The following CTIF variants were observed in gnomAD, a reference collection of about 807,000 sequenced individuals.
CTIF encodes CBP80/20-dependent translation initiation factor.
A neutral mutation model predicts 66.0 loss-of-function variants in CTIF; 21 were observed. That is an observed-to-expected ratio of 0.32 (90% CI 0.23 to 0.46). CTIF has a LOEUF of 0.46. CTIF is among the 20% of genes least tolerant of loss of function. The probability of loss-of-function intolerance (pLI) is 1.00; values close to 1 mark genes in which losing one functional copy is unlikely to be tolerated. For synonymous variants in CTIF, 345 were observed against 326.4 expected (o/e 1.06, Z -0.62); for missense variants, 739 against 812.7 (o/e 0.91, Z 1.10).
At chr18:48,804,958 G>T (rs2068114662) in intron 9 of CTIF, among the ~76,000 whole-genome samples, 2 of 152,226 alleles carry the variant, frequency 1.3e-5, no homozygotes, top group Non-Finnish European at 2.9e-5. Context: ...GGAGAAGCCT[G>T]TTGTACTGAT....
At chr18:48,787,289 G>A (rs890071878) in intron 9 of CTIF, among the ~76,000 whole-genome samples, 9 of 151,978 alleles carry the variant, frequency 5.9e-5, no homozygotes, top group African/African-American at 2.2e-4. Context: ...AAAGAAAGAA[G>A]GGAAGGGGAG....
chr18:48,597,831 G>A (rs2090014696), intron 1 of CTIF, among the ~76,000 whole-genome samples: 1 of 152,250 alleles, frequency 6.6e-6, no homozygotes, highest in African/African-American at 2.4e-5. Context: ...GAAGCAGCCT[G>A]TGTGCTGGCA....
At chr18:48,812,051 C>T (rs1355488063) in intron 9 of CTIF, among the ~76,000 whole-genome samples, 1 of 152,230 alleles carries the variant, frequency 6.6e-6, no homozygotes, top group Non-Finnish European at 1.5e-5. Context: ...CCACCTCCGC[C>T]TCCCGGGATC....
chr18:48,703,748 C>T (rs2092114579), intron 6 of CTIF, among the ~76,000 whole-genome samples: 1 of 152,186 alleles, frequency 6.6e-6, no homozygotes, highest in Non-Finnish European at 1.5e-5. Flanking sequence ...GGGGCAGCAG[C>T]CCGGGGACTC....
chr18:48,718,883 T>C (rs984185389), intron 7 of CTIF, among the ~76,000 whole-genome samples: 1 of 152,164 alleles, frequency 6.6e-6, no homozygotes, highest in Non-Finnish European at 1.5e-5. Flanking sequence ...TCCCGAGGCA[T>C]GAAGGTGAGC....
At chr18:48,566,635 C>T (rs1462098231) in intron 1 of CTIF, 5 of 152,180 alleles carry the variant, frequency 3.3e-5, no homozygotes, top group African/African-American at 9.7e-5. Flanking sequence ...AGCTTGCTGC[C>T]GATGTCCCTC....
At chr18:48,813,718 G>A (rs2146304546) in intron 9 of CTIF, among the ~76,000 whole-genome samples, 1 of 152,364 alleles carries the variant, frequency 6.6e-6, no homozygotes, top group South Asian at 2.1e-4. Flanking sequence ...TGAGTCAAGA[G>A]CTAGTTCTTT....
At chr18:48,695,559 A>G (rs2091994554) in intron 6 of CTIF, among the ~76,000 whole-genome samples, 1 of 152,200 alleles carries the variant, frequency 6.6e-6, no homozygotes, top group South Asian at 2.1e-4. Flanking sequence ...TACTTGCTGC[A>G]TTTCTTTAGA....
intron 1 of CTIF, among the ~76,000 whole-genome samples, chr18:48,600,070 A>G (rs10502893): frequency 0.041 from 6,304 of 152,220 alleles, 483 homozygotes; most frequent in African/African-American, 0.14. Context: ...CTCACTGTCA[A>G]TTGGAGAGAC....
intron 6 of CTIF, among the ~76,000 whole-genome samples, chr18:48,708,421 AT>A (rs926242687): frequency 1.3e-5 from 2 of 152,170 alleles, no homozygotes; most frequent in Admixed American, 1.3e-4. Flanking sequence ...AAGATGGCTG[AT>A]TTTGAGGGGT....
At chr18:48,710,722 G>A (rs1018595933) in intron 6 of CTIF, among the ~76,000 whole-genome samples, 1 of 152,160 alleles carries the variant, frequency 6.6e-6, no homozygotes, top group Non-Finnish European at 1.5e-5. Context: ...ATGACAATAC[G>A]CAAAAGACTA....
chr18:48,543,054 G>T (rs141889833), intron 1 of CTIF, among the ~76,000 whole-genome samples: 2 of 152,222 alleles, frequency 1.3e-5, no homozygotes, highest in African/African-American at 4.8e-5. Flanking sequence ...GTCTGTGTAG[G>T]TGTGTTAATA....
chr18:48,671,189 A>C (rs1180421539), intron 6 of CTIF, among the ~76,000 whole-genome samples: 1 of 152,046 alleles, frequency 6.6e-6, no homozygotes, highest in Non-Finnish European at 1.5e-5. Context: ...GGTGTCTGCT[A>C]TGCTTGCTCT....
chr18:48,636,559 G>A, intron 2 of CTIF, 55 bp from the exon 3 acceptor site: 1 of 1,329,450 alleles, frequency 7.5e-7, no homozygotes, highest in Non-Finnish European at 1.0e-6. Flanking sequence ...GCCTGGCAGA[G>A]TGAGCATGGG....
intron 6 of CTIF, among the ~76,000 whole-genome samples, chr18:48,672,359 T>C (rs935118462): frequency 6.6e-6 from 1 of 152,162 alleles, no homozygotes; most frequent in African/African-American, 2.4e-5. Flanking sequence ...AGTATGGACG[T>C]GTCCAATGCA....
At chr18:48,841,770 C>G (rs375676450) in intron 10 of CTIF, among the ~76,000 whole-genome samples, 2 of 152,124 alleles carry the variant, frequency 1.3e-5, no homozygotes, top group African/African-American at 4.8e-5. Flanking sequence ...CCAGGGGTCC[C>G]GCACCTGGCT....
At chr18:48,776,065 G>A (rs950319469) in intron 9 of CTIF, among the ~76,000 whole-genome samples, 2 of 152,252 alleles carry the variant, frequency 1.3e-5, no homozygotes, top group East Asian at 1.9e-4. Flanking sequence ...TTTTGCAGGT[G>A]GCAGAGTGGG....
chr18:48,616,474 G>T (rs750008198), intron 1 of CTIF, among the ~76,000 whole-genome samples: 5 of 152,200 alleles, frequency 3.3e-5, no homozygotes, highest in Non-Finnish European at 4.4e-5. Flanking sequence ...GGACTGAGCA[G>T]GCCACCAGGA....
intron 1 of CTIF, among the ~76,000 whole-genome samples, chr18:48,545,598 ACTT>A (rs1258658665): frequency 6.6e-6 from 1 of 150,968 alleles, no homozygotes; most frequent in East Asian, 2.0e-4. Context: ...TCAGGTGCGA[ACTT>A]CTGGTTGCTG....
Sources: gnomAD v4.1 joint callset for allele counts (sites outside exome capture counted in the v4.1 genomes callset) on GRCh38, gnomAD v4.1.1 for gene constraint, MANE v1.5 for transcripts, NCBI Gene and HGNC (gene_info 2026-07-23, HGNC 2026-07-21) for gene names.